SCN7A: variants seen among roughly 807,000 people sequenced by gnomAD.
SCN7A encodes the protein sodium voltage-gated channel alpha subunit 7, also known as sodium channel protein type 7 subunit alpha.
Under a neutral mutation model 155.2 loss-of-function variants are expected in SCN7A, and 138 were observed. The ratio of observed to expected loss-of-function variants is 0.89; its 90% CI spans 0.77 to 1.02. SCN7A has a LOEUF of 1.02. SCN7A is among the 50% of genes least tolerant of loss of function. SCN7A has a pLI of 0.00. For missense variants in SCN7A, 2,058 were observed against 1,986.6 expected, an observed-to-expected ratio of 1.04 and a Z score of -0.68; for synonymous variants, 693 against 649.0, an observed-to-expected ratio of 1.07 and a Z score of -1.03.
At chr2:166,482,910 G>A (rs1010772631) in intron 2 of SCN7A, among the ~76,000 whole-genome samples, 3 of 151,968 alleles carry the variant, frequency 2.0e-5, no homozygotes, top group Admixed American at 1.3e-4. Flanking sequence ...TATGGTCCAC[G>A]CACTACGCTT....
intron 3 of SCN7A, among the ~76,000 whole-genome samples, chr2:166,475,121 C>CACAA: frequency 9.8e-6 from 1 of 102,212 alleles, no homozygotes; most frequent in East Asian, 2.6e-4. Context: ...TATATATATA[C>CACAA]ATATATATAT....
intron 1 of SCN7A, among the ~76,000 whole-genome samples, chr2:166,487,997 G>A (rs1214318475): frequency 2.0e-5 from 3 of 152,132 alleles, no homozygotes; most frequent in Non-Finnish European, 4.4e-5. Flanking sequence ...TAAAAACAAA[G>A]CAGTGATGAT....
intron 10 of SCN7A, 55 bp downstream of exon 10, chr2:166,462,334 G>T: frequency 1.3e-6 from 2 of 1,492,424 alleles, no homozygotes; most frequent in Non-Finnish European, 1.8e-6. Context: ...CATTATCTTA[G>T]AAGCAAGGGC....
At chr2:166,415,893 G>A (rs892906305) in intron 21 of SCN7A, among the ~76,000 whole-genome samples, 39 of 152,198 alleles carry the variant, frequency 2.6e-4, no homozygotes, top group African/African-American at 7.5e-4. Context: ...GATTGCCTGC[G>A]GGGTTGGGCA....
At chr2:166,492,535 A>C (rs1683136548) in intron 1 of SCN7A, among the ~76,000 whole-genome samples, 2 of 152,232 alleles carry the variant, frequency 1.3e-5, no homozygotes, top group Non-Finnish European at 2.9e-5. Context: ...GGAGAATATT[A>C]CAAGGTTTAA....
chr2:166,437,018 T>C (rs144805281), intron 15 of SCN7A, among the ~76,000 whole-genome samples: 5,487 of 152,320 alleles, frequency 0.036, 113 homozygotes, highest in Non-Finnish European at 0.04. Flanking sequence ...TCAAGCTGGC[T>C]GCATAAATTT....
At chr2:166,415,339 C>T (rs1184483133) in intron 21 of SCN7A, among the ~76,000 whole-genome samples, 1 of 151,652 alleles carries the variant, frequency 6.6e-6, no homozygotes, top group Admixed American at 6.6e-5. Context: ...ATTCTCCTGC[C>T]TCAGCTTCCC....
Position 166,414,277 on chromosome 2 carries a change from T to G in SCN7A, c.3415-1156A>C, listed in dbSNP as rs368670873. On this transcript the variant is annotated intron_variant, in intron 21 of 25. Coordinates refer to ENST00000643258, the MANE Select transcript of SCN7A (RefSeq NM_002976.4). ...ATAGATATATATACACACACATATA[T>G]ATATATATACACACACATATATATA... Among the ~76,000 whole-genome samples the G allele has an allele frequency of 4.6e-3, 151 of 33,022 alleles. 4 individuals carry two copies. Among genetic ancestry groups the G allele is most frequent in the Non-Finnish European group, 5.4e-3 (97 of 17,998 alleles). The allele number at this position is 33,022 out of a possible 152,430, so 21.7% of individuals were successfully genotyped here.
At chr2:166,410,021 C>A in intron 24 of SCN7A, 86 bp from the exon 25 acceptor site, 1 of 1,319,042 alleles carries the variant, frequency 7.6e-7, no homozygotes, top group South Asian at 1.6e-5. Flanking sequence ...CAACTTTCTT[C>A]CCAAAATAAA....
chr2:166,463,091 T>C (rs950281817), intron 9 of SCN7A, among the ~76,000 whole-genome samples: 5 of 152,194 alleles, frequency 3.3e-5, no homozygotes, highest in African/African-American at 1.2e-4. Flanking sequence ...GTTGAGGGTA[T>C]AATTTTCAAA....
intron 10 of SCN7A, among the ~76,000 whole-genome samples, chr2:166,460,442 CAGAT>C (rs1228867945): frequency 6.6e-6 from 1 of 151,576 alleles, no homozygotes; most frequent in African/African-American, 2.4e-5. Context: ...TTTTTTTTCT[CAGAT>C]AGATAAAAAA....
chr2:166,423,305 G>A lies in SCN7A; in HGVS notation c.2981C>T (p.Ala994Val). The stretch of plus-strand genomic sequence containing the variant: ...CCTGTACCAGCCATTAGAGAAATAG[G>A]CCTTAAAACCATATGCCATCCATTT... ...LLKWMAYGFK[A>V]YFSNGWYRLD... is the part of the protein sequence containing the mutation. The change falls in exon 19 of 26, where the codon GCC becomes GTC. Residue 994 changes from alanine to valine, a missense_variant. Physicochemically the swap from Ala to Val is moderately conservative, Grantham distance 64. Transcript: ENST00000643258. The A allele has an allele frequency of 1.2e-6, 2 of 1,611,936 alleles. No individual in the cohort carries two copies. The highest frequency in any genetic ancestry group is 1.1e-5 in the South Asian group (1 of 90,758).
In SCN7A at chr2:166,489,699, T is replaced by C. The variant is rs77439575; in HGVS notation, c.-127-2731A>G. On this transcript the variant is annotated intron_variant, in intron 1 of 25. Transcript: ENST00000643258. The stretch of plus-strand genomic sequence containing the variant: ...GTGGCAAACAGTTTATCTAGGCTGC[T>C]TAATTGACTTTTGCTACTTTCTCCT... Among the ~76,000 whole-genome samples the C allele has an allele frequency of 2.0e-4, 30 of 152,346 alleles. No individual in the cohort carries two copies. In the East Asian group the frequency reaches 3.5e-3, roughly 18 times the overall value.
chr2:166,476,147 A>G (rs1188032072), intron 3 of SCN7A, among the ~76,000 whole-genome samples: 2 of 152,126 alleles, frequency 1.3e-5, no homozygotes, highest in Non-Finnish European at 1.5e-5. Flanking sequence ...CATGTATATT[A>G]TAACAATGCT....
At chr2:166,470,141 A>G (rs1481460007) in intron 7 of SCN7A, among the ~76,000 whole-genome samples, 1 of 151,798 alleles carries the variant, frequency 6.6e-6, no homozygotes, top group Non-Finnish European at 1.5e-5. Flanking sequence ...TCACAACCAC[A>G]TTGATGGAAG....
intron 18 of SCN7A, among the ~76,000 whole-genome samples, chr2:166,424,345 T>C (rs1701575833): frequency 6.6e-6 from 1 of 151,882 alleles, no homozygotes. Context: ...ATGGGTAGAG[T>C]AGATTTTACC....
At position 166,465,509 on chromosome 2, in the gene SCN7A, C is replaced by T; in HGVS notation, c.894G>A (p.Leu298=). The change falls in exon 9 of 26, where the codon TTG becomes TTA. Residue 298 remains leucine, a synonymous_variant. Transcript: ENST00000643258. ...YIRETENFYY[L]EGERYALLCG... is the part of the protein sequence containing the mutation. ...AAAGGAGAGCATATCTTTCTCCTTCCAAATAATAAAAGTTTTCTGTTTCTG... is the reference window on the plus strand; with the variant it reads ...AAAGGAGAGCATATCTTTCTCCTTCTAAATAATAAAAGTTTTCTGTTTCTG... The T allele has an allele frequency of 9.3e-6, 15 of 1,606,124 alleles. No homozygotes were observed. The highest frequency in any genetic ancestry group is 1.3e-5 in the Non-Finnish European group (15 of 1,175,674).
At chr2:166,486,384 A>G (rs148646573) in intron 2 of SCN7A, among the ~76,000 whole-genome samples, 185 of 152,312 alleles carry the variant, frequency 1.2e-3, no homozygotes, top group African/African-American at 4.2e-3. Flanking sequence ...ATTCAGATAG[A>G]CACAAAACCT....
At position 166,423,454 on chromosome 2, in the gene SCN7A, T is replaced by C; in HGVS notation, c.2854-22A>G. The C allele has an allele frequency of 4.0e-6, 6 of 1,502,300 alleles. No homozygotes were observed. In the East Asian group the frequency reaches 7.3e-5, roughly 18 times the overall value. The allele number at this position is 1,502,300 out of a possible 1,614,324, so 93.1% of individuals were successfully genotyped here. A position where few individuals can be genotyped will look rare whatever the true frequency, so the allele number is the denominator to read the frequency against. ...AAGCCTGTGGGTAAAAATAAAAAAA[T>C]AAGGATTAGGTGTACAGGTAATTTC... On this transcript the variant is annotated intron_variant, in intron 18 of 25. Coordinates refer to ENST00000643258, the MANE Select transcript of SCN7A (RefSeq NM_002976.4).
Sources: allele counts gnomAD v4.1 joint callset (sites outside exome capture counted in the v4.1 genomes callset), GRCh38; gene constraint gnomAD v4.1.1; transcripts MANE v1.5; gene names NCBI Gene and HGNC (gene_info 2026-07-23, HGNC 2026-07-21).